ANK2: variants seen among roughly 807,000 people sequenced by gnomAD.
ANK2 encodes ankyrin 2, also known as ankyrin-2.
In ANK2, 83 loss-of-function variants were observed where a neutral mutation model predicts 360.5. The ratio of observed to expected loss-of-function variants is 0.23; its 90% CI spans 0.19 to 0.28. The LOEUF is 0.28. ANK2 is among the 10% of genes least tolerant of loss of function. The pLI is 1.00. For synonymous variants in ANK2, 1,740 were observed against 1,759.5 expected, an observed-to-expected ratio of 0.99 and a Z score of 0.28; for missense variants, 4,201 against 4,795.7, an observed-to-expected ratio of 0.88 and a Z score of 3.66.
chr4:112,912,617 G>A (rs2088041837), intron 2 of ANK2, among the ~76,000 whole-genome samples: 1 of 152,042 alleles, frequency 6.6e-6, no homozygotes, highest in South Asian at 2.1e-4. Flanking sequence ...GAGCTTAATA[G>A]AGGATAGCCC....
intron 24 of ANK2, among the ~76,000 whole-genome samples, chr4:113,312,739 A>T (rs1181699550): frequency 1.3e-5 from 2 of 152,188 alleles, no homozygotes; most frequent in Non-Finnish European, 2.9e-5. Context: ...GTGTATGAGA[A>T]AAAAGGGAAT....
chr4:113,077,331 G>C (rs2080494320), intron 1 of ANK2, among the ~76,000 whole-genome samples: 1 of 152,062 alleles, frequency 6.6e-6, no homozygotes, highest in East Asian at 1.9e-4. Flanking sequence ...ATGTAAATTG[G>C]TCATATCTTG....
At chr4:112,917,793 A>G (rs1260418944) in intron 2 of ANK2, among the ~76,000 whole-genome samples, 1 of 152,252 alleles carries the variant, frequency 6.6e-6, no homozygotes, top group Non-Finnish European at 1.5e-5. Flanking sequence ...ACATAAAATT[A>G]GAATAGTTGT....
chr4:112,779,603 A>G, the ANK2 span, among the ~76,000 whole-genome samples: 18 of 152,318 alleles, frequency 1.2e-4, no homozygotes, highest in African/African-American at 7.2e-5. Context: ...TACTTACACA[A>G]TGATCTCAAT....
chr4:113,215,625 G>A (rs1049444391), intron 4 of ANK2, among the ~76,000 whole-genome samples: 2 of 152,028 alleles, frequency 1.3e-5, no homozygotes, highest in Admixed American at 6.6e-5. Context: ...TTGGAACACA[G>A]GGCCTGAATG....
At chr4:112,824,211 G>A (rs1228494897) in intron 1 of ANK2, among the ~76,000 whole-genome samples, 2 of 151,724 alleles carry the variant, frequency 1.3e-5, no homozygotes, top group Non-Finnish European at 2.9e-5. Flanking sequence ...ACAGGGTCTT[G>A]TTCTGTCACC....
chr4:113,172,643 T>G (rs2098024205), intron 1 of ANK2, among the ~76,000 whole-genome samples: 1 of 152,202 alleles, frequency 6.6e-6, no homozygotes, highest in Admixed American at 6.5e-5. Context: ...TTGGAAGTAC[T>G]TTCTAGGAAC....
intron 1 of ANK2, among the ~76,000 whole-genome samples, chr4:113,135,355 G>C (rs567767929): frequency 6.6e-6 from 1 of 152,114 alleles, no homozygotes; most frequent in African/African-American, 2.4e-5. Flanking sequence ...TAGATATCAC[G>C]GTCAGGCAGG....
chr4:113,224,998 C>G (rs1358432458), intron 4 of ANK2, among the ~76,000 whole-genome samples: 1 of 151,316 alleles, frequency 6.6e-6, no homozygotes, highest in Non-Finnish European at 1.5e-5. Flanking sequence ...TCATTAGACT[C>G]AGGTTTAGAG....
intron 2 of ANK2, among the ~76,000 whole-genome samples, chr4:112,975,319 T>C (rs937787457): frequency 6.6e-6 from 1 of 152,212 alleles, no homozygotes; most frequent in Non-Finnish European, 1.5e-5. Context: ...TATTTTTTGC[T>C]AGAATGAATT....
intron 1 of ANK2, among the ~76,000 whole-genome samples, chr4:113,100,058 G>C (rs2092558222): frequency 6.6e-6 from 1 of 151,998 alleles, no homozygotes; most frequent in Non-Finnish European, 1.5e-5. Context: ...GTGACCTTGG[G>C]TTTGATGATG....
intron 1 of ANK2, among the ~76,000 whole-genome samples, chr4:113,165,237 A>G (rs945753540): frequency 5.3e-5 from 8 of 152,172 alleles, no homozygotes; most frequent in African/African-American, 1.9e-4. Context: ...TAAGTTTTTC[A>G]TTATTTTATA....
chr4:113,330,249 C>T lies in ANK2; in HGVS notation c.2904C>T (p.Phe968=), dbSNP rs2092022601. Residue 968 remains phenylalanine, a synonymous_variant, in exon 27 of 46, where the codon TTC becomes TTT. Coordinates refer to ENST00000357077, the MANE Select transcript of ANK2 (RefSeq NM_001148.6). ...ALSSSPIHSG[F]LVSFMVDARG... ...AATCTTCTATTTTAATTTTTAGTTT[C>T]CTGGTTAGTTTTATGGTGGATGCCC... 6.2e-7 allele frequency: 1 copy of T among 1,613,822 alleles called. No individual in the cohort carries two copies. Among genetic ancestry groups the T allele is most frequent in the Non-Finnish European group, 8.5e-7 (1 of 1,179,852 alleles).
intron 1 of ANK2, among the ~76,000 whole-genome samples, chr4:113,098,031 A>T (rs1033815064): frequency 6.6e-6 from 1 of 151,494 alleles, no homozygotes; most frequent in Non-Finnish European, 1.5e-5. Flanking sequence ...TGGACAAGCC[A>T]TGTTTCAGAG....
chr4:113,367,400 T>C (rs2096575226), intron 41 of ANK2, among the ~76,000 whole-genome samples, 166 bp from the exon 42 acceptor site: 3 of 152,150 alleles, frequency 2.0e-5, no homozygotes, highest in Non-Finnish European at 4.4e-5. Flanking sequence ...ATCCGTATCT[T>C]GAAGGTGGAC....
chr4:113,078,421 G>A (rs773122281), intron 1 of ANK2, among the ~76,000 whole-genome samples: 3 of 152,196 alleles, frequency 2.0e-5, no homozygotes, highest in Admixed American at 6.5e-5. Flanking sequence ...GATGTTGCTC[G>A]TCAATAGTAG....
chr4:112,901,637 C>T (rs973820549), intron 1 of ANK2, among the ~76,000 whole-genome samples: 61 of 152,052 alleles, frequency 4.0e-4, no homozygotes, highest in Middle Eastern at 6.8e-3. Flanking sequence ...CTGAGGCAGG[C>T]GGACCATGAG....
At chr4:113,266,211 G>A (rs892629623) in intron 14 of ANK2, among the ~76,000 whole-genome samples, 74 of 152,200 alleles carry the variant, frequency 4.9e-4, no homozygotes, top group African/African-American at 1.7e-3. Context: ...GCAGTGTTTG[G>A]TTTTCTGTTT....
chr4:113,357,132 T>C lies in ANK2; in HGVS notation c.8514T>C (p.Asp2838=), dbSNP rs1369503028. ...DVSRAESPQA[D]CPSESFSSSS... is the part of the protein sequence containing the mutation. ...CTAGAGCAGAATCTCCACAAGCAGATTGCCCCAGTGAAAGCTTTTCATCTT... is the reference window on the plus strand; with the variant it reads ...CTAGAGCAGAATCTCCACAAGCAGACTGCCCCAGTGAAAGCTTTTCATCTT... The change falls in exon 38 of 46, where the codon GAT becomes GAC. Residue 2838 remains aspartate, a synonymous_variant. Coordinates refer to ENST00000357077, the MANE Select transcript of ANK2 (RefSeq NM_001148.6). 2 of 1,614,002 alleles carry C rather than the reference T, an allele frequency of 1.2e-6. No individual in the cohort carries two copies. Among genetic ancestry groups the C allele is most frequent in the African/African-American group, 2.7e-5 (2 of 74,914 alleles).
Sources: gnomAD v4.1 joint callset for allele counts (sites outside exome capture counted in the v4.1 genomes callset) on GRCh38, gnomAD v4.1.1 for gene constraint, MANE v1.5 for transcripts, NCBI Gene and HGNC (gene_info 2026-07-23, HGNC 2026-07-21) for gene names.